SLC25A48: variants seen among roughly 807,000 people sequenced by gnomAD.
SLC25A48 encodes solute carrier family 25 member 48.
SLC25A48 carries 29 observed loss-of-function variants against 32.2 expected under a neutral mutation model. That is an observed-to-expected ratio of 0.90 (90% CI 0.67 to 1.23). SLC25A48 has a LOEUF of 1.23. SLC25A48 is among the 50% of genes most tolerant of loss of function. SLC25A48 has a pLI of 0.00. For missense variants in SLC25A48, 399 were observed against 422.7 expected (o/e 0.94, Z 0.49); for synonymous variants, 164 against 172.3 (o/e 0.95, Z 0.38).
At chr5:135,827,157 T>C (rs1167962059) in intron 4 of SLC25A48, 3 of 152,250 alleles carry the variant, frequency 2.0e-5, no homozygotes, top group Non-Finnish European at 2.9e-5. Flanking sequence ...TGATTCCTGT[T>C]TGAAAATCCT....
chr5:135,701,651 T>A (rs1580797273), intron 3 of SLC25A48, among the ~76,000 whole-genome samples: 1 of 152,232 alleles, frequency 6.6e-6, no homozygotes, highest in Non-Finnish European at 1.5e-5. Flanking sequence ...GGCCATGGCC[T>A]TTGATAGTGT....
Position 135,675,943 on chromosome 5 carries a change from A to C in SLC25A48, c.-521+40987A>C, listed in dbSNP as rs1753759347. Among the ~76,000 whole-genome samples the C allele has an allele frequency of 2.0e-5, 3 of 151,686 alleles. No individual in the cohort carries two copies. In the South Asian group the frequency reaches 6.2e-4, roughly 31 times the overall value. On this transcript the variant is annotated intron_variant, in intron 3 of 10. Coordinates refer to the SLC25A48 transcript ENST00000646290. ...TCCTTGGTTAAATTTATTCCTAGGC[A>C]TTTTATTTTATTTTTTGTAGCTATT... is the stretch of plus-strand genomic sequence containing the variant.
intron 3 of SLC25A48, among the ~76,000 whole-genome samples, chr5:135,768,202 A>C (rs972917558): frequency 3.0e-5 from 4 of 133,842 alleles, no homozygotes; most frequent in East Asian, 4.8e-4. Flanking sequence ...TGTACACCCC[A>C]CTGTGATATT....
intron 3 of SLC25A48, among the ~76,000 whole-genome samples, chr5:135,709,352 C>T (rs556996948): frequency 6.6e-4 from 100 of 152,340 alleles, no homozygotes; most frequent in African/African-American, 2.3e-3. Context: ...TGGCCAGATT[C>T]CCCCTGAATT....
intron 1 of SLC25A48, among the ~76,000 whole-genome samples, chr5:135,599,194 A>G (rs1474224959): frequency 6.6e-6 from 1 of 152,114 alleles, no homozygotes; most frequent in Non-Finnish European, 1.5e-5. Flanking sequence ...TCAAGTCTTC[A>G]TCACACTCTT....
At chr5:135,583,292 G>C (rs772540708) in intron 1 of SLC25A48, among the ~76,000 whole-genome samples, 16 of 151,966 alleles carry the variant, frequency 1.1e-4, no homozygotes, top group Admixed American at 3.3e-4. Flanking sequence ...AAGTCTCTGG[G>C]AAGAGGAGGT....
chr5:135,873,778 G>A (rs1761845248), intron 5 of SLC25A48, among the ~76,000 whole-genome samples: 1 of 152,238 alleles, frequency 6.6e-6, no homozygotes, highest in African/African-American at 2.4e-5. Flanking sequence ...GCCCCATAAA[G>A]ATAGGTACTG....
At chr5:135,643,691 T>A (rs369074298) in intron 3 of SLC25A48, among the ~76,000 whole-genome samples, 1 of 152,190 alleles carries the variant, frequency 6.6e-6, no homozygotes, top group African/African-American at 2.4e-5. Flanking sequence ...GTTTTTTCTG[T>A]GGGACAATCT....
At chr5:135,763,937 A>G (rs1756131503) in intron 3 of SLC25A48, among the ~76,000 whole-genome samples, 1 of 152,140 alleles carries the variant, frequency 6.6e-6, no homozygotes, top group Admixed American at 6.5e-5. Flanking sequence ...CAGTGGCGCG[A>G]TCTCAGTTCA....
chr5:135,785,373 C>T (rs930293732), intron 3 of SLC25A48, among the ~76,000 whole-genome samples: 6 of 150,912 alleles, frequency 4.0e-5, no homozygotes, highest in African/African-American at 1.2e-4. Context: ...GAACCCTCCC[C>T]GCCGCTTGCC....
chr5:135,670,917 T>C (rs949947874), intron 3 of SLC25A48, among the ~76,000 whole-genome samples: 5 of 152,226 alleles, frequency 3.3e-5, no homozygotes, highest in African/African-American at 1.2e-4. Flanking sequence ...TTTATCAGCC[T>C]CTTGAAATGT....
chr5:135,755,920 G>T (rs1433616081), intron 3 of SLC25A48, among the ~76,000 whole-genome samples: 1 of 151,838 alleles, frequency 6.6e-6, no homozygotes, highest in East Asian at 1.9e-4. Context: ...AAATATCTCT[G>T]TGGCACTTAT....
intron 3 of SLC25A48, among the ~76,000 whole-genome samples, chr5:135,775,681 C>T (rs1198673310): frequency 2.0e-5 from 3 of 151,720 alleles, no homozygotes; most frequent in East Asian, 1.9e-4. Flanking sequence ...CTCCCAACAT[C>T]GCAGAGGGTA....
intron 1 of SLC25A48, among the ~76,000 whole-genome samples, chr5:135,600,007 T>TC (rs1193807536): frequency 6.6e-6 from 1 of 152,144 alleles, no homozygotes; most frequent in Non-Finnish European, 1.5e-5. Context: ...TTCTACATAC[T>TC]CCCCCCTCCC....
chr5:135,874,768 C>T, intron 6 of SLC25A48: 1 of 687,730 alleles, frequency 1.5e-6, no homozygotes, highest in East Asian at 2.7e-5. Flanking sequence ...AAAGGTGCTG[C>T]CCCAGGATAG....
intron 1 of SLC25A48, among the ~76,000 whole-genome samples, chr5:135,607,294 C>A (rs1751961603): frequency 6.6e-6 from 1 of 152,218 alleles, no homozygotes; most frequent in African/African-American, 2.4e-5. Flanking sequence ...ACCTACTTAT[C>A]AAGTTCCAAA....
At chr5:135,829,946 C>A (rs1319257605), upstream of SLC25A48, among the ~76,000 whole-genome samples, 1 of 152,074 alleles carries the variant, frequency 6.6e-6, no homozygotes, top group Non-Finnish European at 1.5e-5. Flanking sequence ...CAGCACTGGG[C>A]CAGCTCGGAG....
intron 3 of SLC25A48, among the ~76,000 whole-genome samples, chr5:135,734,234 G>C (rs1247901836): frequency 6.6e-6 from 1 of 152,250 alleles, no homozygotes; most frequent in South Asian, 2.1e-4. Context: ...GGATACGAGA[G>C]GAAGATGCAA....
At chr5:135,692,144 C>T (rs1218091895) in intron 3 of SLC25A48, among the ~76,000 whole-genome samples, 1 of 152,018 alleles carries the variant, frequency 6.6e-6, no homozygotes, top group African/African-American at 2.4e-5. Context: ...GGTGAAACCC[C>T]ATCTCTACTA....
Sources: gnomAD v4.1 joint callset for allele counts (sites outside exome capture counted in the v4.1 genomes callset) on GRCh38, gnomAD v4.1.1 for gene constraint, MANE v1.5 for transcripts, NCBI Gene and HGNC (gene_info 2026-07-23, HGNC 2026-07-21) for gene names.